SORCS2: variants seen among roughly 807,000 people sequenced by gnomAD.
SORCS2 encodes VPS10 domain-containing receptor SorCS2.
In SORCS2, 100 loss-of-function variants were observed where a neutral mutation model predicts 141.6. The ratio of observed to expected loss-of-function variants is 0.71; its 90% CI spans 0.60 to 0.83. The LOEUF is 0.83. SORCS2 is among the 40% of genes least tolerant of loss of function. SORCS2 has a pLI of 0.00. For missense variants in SORCS2, 1,646 were observed against 1,560.2 expected (o/e 1.05, Z -0.93); for synonymous variants, 789 against 676.9 (o/e 1.17, Z -2.57).
intron 3 of SORCS2, among the ~76,000 whole-genome samples, chr4:7,618,441 C>T (rs1718907760): frequency 6.6e-6 from 1 of 152,174 alleles, no homozygotes; most frequent in East Asian, 1.9e-4. Flanking sequence ...GTTGCATCTC[C>T]TCTGTTCAAG....
chr4:7,452,618 G>A (rs1406419277), intron 2 of SORCS2, among the ~76,000 whole-genome samples: 4 of 152,210 alleles, frequency 2.6e-5, no homozygotes, highest in African/African-American at 4.8e-5. Flanking sequence ...CTGGACCCAC[G>A]AGGGCACGGG....
intron 1 of SORCS2, among the ~76,000 whole-genome samples, chr4:7,250,283 C>T (rs1169332686): frequency 6.9e-6 from 1 of 145,478 alleles, no homozygotes; most frequent in Admixed American, 6.8e-5. Flanking sequence ...AGGTGAAGGC[C>T]TGCTTCCATC....
chr4:7,632,042 C>T (rs1719930032), intron 3 of SORCS2, among the ~76,000 whole-genome samples: 1 of 152,198 alleles, frequency 6.6e-6, no homozygotes, highest in African/African-American at 2.4e-5. Context: ...ACTTGGCACA[C>T]AGGCTCCCTG....
At chr4:7,634,299 G>T (rs1446521272) in intron 3 of SORCS2, among the ~76,000 whole-genome samples, 3 of 152,010 alleles carry the variant, frequency 2.0e-5, no homozygotes, top group Non-Finnish European at 4.4e-5. Flanking sequence ...CTTGAACTTG[G>T]GAGGCAGAGT....
intron 2 of SORCS2, among the ~76,000 whole-genome samples, chr4:7,471,046 C>T (rs1050061974): frequency 3.3e-5 from 5 of 152,012 alleles, no homozygotes; most frequent in Non-Finnish European, 5.9e-5. Flanking sequence ...GGGCTGCCTG[C>T]GAAAACCCAA....
intron 2 of SORCS2, among the ~76,000 whole-genome samples, chr4:7,504,104 G>A (rs577134530): frequency 3.3e-5 from 5 of 152,348 alleles, no homozygotes; most frequent in East Asian, 1.9e-4. Flanking sequence ...CTGGGTGCCA[G>A]GGGTAGGGCA....
intron 1 of SORCS2, among the ~76,000 whole-genome samples, chr4:7,273,508 A>G (rs1441325623): frequency 1.3e-5 from 2 of 152,132 alleles, no homozygotes; most frequent in African/African-American, 4.8e-5. Context: ...AGAGGGAGAG[A>G]GAGAGACTCA....
chr4:7,211,832 T>C (rs896217976), intron 1 of SORCS2, among the ~76,000 whole-genome samples: 1 of 151,230 alleles, frequency 6.6e-6, no homozygotes, highest in African/African-American at 2.4e-5. Context: ...AGAGGAGGGG[T>C]GGGAGCGGGC....
intron 1 of SORCS2, among the ~76,000 whole-genome samples, chr4:7,226,005 G>A (rs1419315432): frequency 1.3e-5 from 2 of 152,194 alleles, no homozygotes; most frequent in African/African-American, 4.8e-5. Context: ...CTCACTGAGA[G>A]CAATGTCAAA....
intron 2 of SORCS2, among the ~76,000 whole-genome samples, chr4:7,520,283 A>G (rs1733242406): frequency 6.6e-6 from 1 of 152,164 alleles, no homozygotes; most frequent in South Asian, 2.1e-4. Context: ...TTACTGCAGG[A>G]GTTTATAGAT....
chr4:7,219,292 AT>A (rs1728557219), intron 1 of SORCS2, among the ~76,000 whole-genome samples: 1 of 152,044 alleles, frequency 6.6e-6, no homozygotes, highest in Non-Finnish European at 1.5e-5. Flanking sequence ...CTGTGTCAAT[AT>A]CCCCCAAACC....
At chr4:7,718,254 G>C in intron 18 of SORCS2, 71 bp downstream of exon 18, 1 of 1,534,410 alleles carries the variant, frequency 6.5e-7, no homozygotes, top group Non-Finnish European at 8.8e-7. Context: ...CACGCAGAAG[G>C]CACGGTGAGG....
At chr4:7,735,023 C>T (rs779921767) in intron 25 of SORCS2, among the ~76,000 whole-genome samples, 6 of 152,236 alleles carry the variant, frequency 3.9e-5, no homozygotes, top group East Asian at 3.9e-4. Flanking sequence ...TGTGATCCCC[C>T]GACGCTGGGA....
At chr4:7,336,222 A>G (rs528242235) in intron 1 of SORCS2, among the ~76,000 whole-genome samples, 29 of 151,426 alleles carry the variant, frequency 1.9e-4, no homozygotes, top group African/African-American at 6.8e-4. Context: ...GATGGCCCCT[A>G]CTCTCCCTCA....
chr4:7,279,727 A>G (rs548846504), intron 1 of SORCS2, among the ~76,000 whole-genome samples: 47 of 152,348 alleles, frequency 3.1e-4, no homozygotes, highest in African/African-American at 1.0e-3. Context: ...GAGTCCATTC[A>G]TAGGTCTGCT....
chr4:7,241,562 G>A (rs1466844001), intron 1 of SORCS2, among the ~76,000 whole-genome samples: 5 of 152,108 alleles, frequency 3.3e-5, no homozygotes, highest in East Asian at 3.9e-4. Flanking sequence ...TTGTGATGGC[G>A]TCAGATGATG....
chr4:7,588,591 G>T (rs1440330889), intron 3 of SORCS2, among the ~76,000 whole-genome samples: 1 of 152,180 alleles, frequency 6.6e-6, no homozygotes, highest in East Asian at 1.9e-4. Context: ...TTGGTTCAGG[G>T]GAATCACGTG....
At chr4:7,427,996 C>T (rs1356995699) in intron 2 of SORCS2, among the ~76,000 whole-genome samples, 1 of 152,118 alleles carries the variant, frequency 6.6e-6, no homozygotes, top group Non-Finnish European at 1.5e-5. Flanking sequence ...AACAGGTTCG[C>T]TCACCTGGGG....
At chr4:7,678,301 CAGA>C (rs923429616) in intron 9 of SORCS2, among the ~76,000 whole-genome samples, 3 of 149,854 alleles carry the variant, frequency 2.0e-5, no homozygotes, top group African/African-American at 7.4e-5. Flanking sequence ...AGCAAGGAGC[CAGA>C]AGAAGTTCGC....
Sources: gnomAD v4.1 joint callset for allele counts (sites outside exome capture counted in the v4.1 genomes callset) on GRCh38, gnomAD v4.1.1 for gene constraint, MANE v1.5 for transcripts, NCBI Gene and HGNC (gene_info 2026-07-23, HGNC 2026-07-21) for gene names.